The following SERPINB2 variants were observed in gnomAD, a reference collection of about 807,000 sequenced individuals.
SERPINB2 encodes serpin family B member 2.
In SERPINB2, 28 loss-of-function variants were observed where a neutral mutation model predicts 39.4. The observed-to-expected ratio is 0.71, with a 90% CI of 0.53 to 0.97. The LOEUF (loss-of-function observed/expected upper bound fraction) is 0.97, where lower values mean the gene tolerates loss of function less well. SERPINB2 is among the 50% of genes least tolerant of loss of function. The pLI is 0.00. For missense variants in SERPINB2, 557 were observed against 505.3 expected (o/e 1.10, Z -0.98); for synonymous variants, 209 against 175.1 (o/e 1.19, Z -1.53).
At chr18:63,890,152 T>C (rs1263242355) in intron 1 of SERPINB2, 1 of 152,134 alleles carries the variant, frequency 6.6e-6, no homozygotes, top group Non-Finnish European at 1.5e-5. Context: ...CTTGATAAAA[T>C]AGTCTGGTTG....
chr18:63,895,278 T>C lies in SERPINB2; in HGVS notation c.183T>C (p.Asn61=), dbSNP rs754713165. ...EDQMAKVLQF[N]EVGANAVTPM... is the part of the protein sequence containing the mutation. ...TCTGATTGCAGGTGCTTCAGTTTAATGAAGTGGGAGCCAATGCAGTTACCC... is the reference window on the plus strand; with the variant it reads ...TCTGATTGCAGGTGCTTCAGTTTAACGAAGTGGGAGCCAATGCAGTTACCC... Residue 61 remains asparagine (N), a synonymous_variant, in exon 3 of 8, where the codon AAT becomes AAC. Coordinates refer to ENST00000299502, the MANE Select transcript of SERPINB2 (RefSeq NM_002575.3). 3 of 1,613,938 alleles carry C rather than the reference T, an allele frequency of 1.9e-6. No individual in the cohort carries two copies. Among genetic ancestry groups the C allele is most frequent in the African/African-American group, 1.3e-5 (1 of 75,040 alleles).
chr18:63,902,073 A>C (rs761223809), intron 6 of SERPINB2, among the ~76,000 whole-genome samples, 191 bp downstream of exon 6: 14 of 152,102 alleles, frequency 9.2e-5, no homozygotes, highest in Non-Finnish European at 1.5e-4. Context: ...ACATGCCCAG[A>C]CTCCAACGTT....
chr18:63,896,735 A>T (rs1046286765), intron 3 of SERPINB2, among the ~76,000 whole-genome samples: 4 of 152,238 alleles, frequency 2.6e-5, no homozygotes, highest in African/African-American at 9.6e-5. Flanking sequence ...TAGTCATTAT[A>T]CTGTACATTA....
chr18:63,902,710 A>G, intron 7 of SERPINB2, 142 bp downstream of exon 7: 1 of 1,063,450 alleles, frequency 9.4e-7, no homozygotes, highest in Non-Finnish European at 1.3e-6. Context: ...ATGCCTCTAC[A>G]TTTCATTCAA....
chr18:63,902,939 G>T lies in SERPINB2; in HGVS notation c.882G>T (p.Trp294Cys). 1 of 1,612,476 alleles carries T rather than the reference G, an allele frequency of 6.2e-7. No individual in the cohort carries two copies. Among genetic ancestry groups the T allele is most frequent in the South Asian group, 1.1e-5 (1 of 90,800 alleles). The change falls in exon 8 of 8, where the codon TGG becomes TGT. Residue 294 changes from tryptophan to cysteine, a missense_variant. By Grantham distance (215) the Trp-to-Cys change is radical (BLOSUM62 -2). Transcript: ENST00000299502. Reference sequence around the variant, plus strand: ...TAACCTATGACAAACTCAACAAGTGGACCAGCAAAGACAAAATGGCTGAAG... The same window carrying T: ...TAACCTATGACAAACTCAACAAGTGTACCAGCAAAGACAAAATGGCTGAAG... ...SEITYDKLNKWTSKDKMAEDE... is the reference protein window; with the variant it reads ...SEITYDKLNKCTSKDKMAEDE...
Position 63,893,454 on chromosome 18 carries a change from A to G in SERPINB2, c.169-1810A>G, listed in dbSNP as rs990143028. Among the ~76,000 whole-genome samples, 3 of 151,040 alleles carry G rather than the reference A, an allele frequency of 2.0e-5. No homozygotes were observed. In the East Asian group the frequency reaches 5.8e-4, roughly 29 times the overall value. ...ATAGTCTTTTTTTTTTTGAGACTCT[A>G]TATATATCGTCTTTTGACAACTCTG... On this transcript the variant is annotated intron_variant, in intron 2 of 7. Transcript: ENST00000299502.
chr18:63,888,946 A>G (rs1427564188), intron 1 of SERPINB2, among the ~76,000 whole-genome samples: 1 of 152,254 alleles, frequency 6.6e-6, no homozygotes, highest in Non-Finnish European at 1.5e-5. Context: ...TCATTCAAAC[A>G]TAAAGTATGG....
intron 7 of SERPINB2, 32 bp from the exon 8 acceptor site, chr18:63,902,869 T>C: frequency 6.6e-7 from 1 of 1,517,276 alleles, no homozygotes; most frequent in Non-Finnish European, 8.8e-7. Context: ...CTGTATTTTC[T>C]TTTGTTTGTT....
intron 1 of SERPINB2, chr18:63,889,744 GAA>G (rs5825540): frequency 6.7e-6 from 1 of 150,296 alleles, no homozygotes; most frequent in Non-Finnish European, 1.5e-5. Flanking sequence ...TGAAGCAAGA[GAA>G]AAAAAAAGTG....
At position 63,889,353 on chromosome 18, in the gene SERPINB2, T is replaced by G. The variant is rs968447363; in HGVS notation, c.-10+1583T>G. On this transcript the variant is annotated intron_variant, in intron 1 of 7. Transcript: ENST00000299502. ...TTTGCTTCTGTTCTTATTAATTTTT[T>G]TCTTTATCAAGTTACCTTAAATTCT... Among the ~76,000 whole-genome samples, 4 of 152,350 alleles carry G rather than the reference T, an allele frequency of 2.6e-5. No homozygotes were observed. The East Asian group carries it at 5.8e-4, about 22-fold the overall frequency.
chr18:63,894,540 G>T (rs1183154591), intron 2 of SERPINB2, among the ~76,000 whole-genome samples: 3 of 152,176 alleles, frequency 2.0e-5, no homozygotes, highest in African/African-American at 7.2e-5. Flanking sequence ...GTGGCTGGGA[G>T]GCAGGGCCAG....
At position 63,902,422 on chromosome 18, in the gene SERPINB2, C is replaced by T. The variant is rs2049997614; in HGVS notation, c.697C>T (p.Gln233Ter). The T allele has an allele frequency of 2.5e-6, 4 of 1,612,282 alleles. No homozygotes were observed. Among genetic ancestry groups the T allele is most frequent in the Non-Finnish European group, 3.4e-6 (4 of 1,179,134 alleles). Residue 233 changes from glutamine to a stop codon, truncating the protein, a stop_gained, in exon 7 of 8, where the codon CAG (glutamine) becomes TAG (stop). Transcript: ENST00000299502. LOFTEE classifies it high-confidence loss of function. Reference protein sequence around the residue: ...RVNSAQRTPVQMMYLREKLNI... With the variant: ...RVNSAQRTPV ...ATATTAGGCTCAGCGCACACCTGTA[C>T]AGATGATGTACTTGCGTGAAAAGCT... is the stretch of plus-strand genomic sequence containing the variant.
rs4433913 is a variant in SERPINB2 at position 63,890,261 on chromosome 18, A to G, written c.-9-1175A>G. Among the ~76,000 whole-genome samples, 674 of 152,252 alleles carry G rather than the reference A, an allele frequency of 4.4e-3. 37 individuals carry two copies. The East Asian group carries it at 0.1, about 23-fold the overall frequency. The stretch of plus-strand genomic sequence containing the variant: ...GGTTCACGCAAGAAAGAAGCGACCA[A>G]TGGTCCTTGTTGGAGAGCAATGCTG... On this transcript the variant is annotated intron_variant, in intron 1 of 7. Transcript: ENST00000299502.
In SERPINB2 at chr18:63,897,625, C is replaced by T. The variant is rs909495624; in HGVS notation, c.418-102C>T. On this transcript the variant is annotated intron_variant, in intron 4 of 7. Coordinates refer to ENST00000299502, the MANE Select transcript of SERPINB2 (RefSeq NM_002575.3). ...TAGCCAACCTCCACTCCCACCCTACCCCAGGTCTCCTAATTTCAATGGGAA... is the reference window on the plus strand; with the variant it reads ...TAGCCAACCTCCACTCCCACCCTACTCCAGGTCTCCTAATTTCAATGGGAA... 4.1e-5 allele frequency: 36 copies of T among 888,106 alleles called. No homozygotes were observed. The African/African-American group carries it at 6.0e-4, about 15-fold the overall frequency. The allele number at this position is 888,106 out of a possible 1,614,324, so 55.0% of individuals were successfully genotyped here.
At chr18:63,902,362 T>C (rs373539629) in intron 6 of SERPINB2, 42 bp from the exon 7 acceptor site, 7 of 1,484,552 alleles carry the variant, frequency 4.7e-6, no homozygotes, top group Non-Finnish European at 5.4e-6. Context: ...TCTCTTGATA[T>C]CTTATAATCG....
chr18:63,898,109 G>A lies in SERPINB2; in HGVS notation c.535+265G>A, dbSNP rs150561049. Among the ~76,000 whole-genome samples the A allele has an allele frequency of 7.4e-4, 113 of 152,318 alleles. 1 individual carries two copies. The East Asian group carries it at 0.013, about 17-fold the overall frequency. ...TGAGGATAGAATATGAAAGGAGGCA[G>A]AAGCTTTCAAAATAGGAAATATCAG... is the stretch of plus-strand genomic sequence containing the variant. On this transcript the variant is annotated intron_variant, in intron 5 of 7. Coordinates refer to ENST00000299502, the MANE Select transcript of SERPINB2 (RefSeq NM_002575.3).
chr18:63,897,897 C>T (rs2049970905), intron 5 of SERPINB2, 53 bp downstream of exon 5: 1 of 1,232,422 alleles, frequency 8.1e-7, no homozygotes, highest in Non-Finnish European at 1.2e-6. Context: ...AAACTCTGAT[C>T]TATCTTTTTC....
intron 1 of SERPINB2, chr18:63,890,178 A>G (rs924958344): frequency 6.6e-6 from 1 of 152,208 alleles, no homozygotes; most frequent in African/African-American, 2.4e-5. Flanking sequence ...CAAATGAGAC[A>G]TTTTAATACA....
intron 5 of SERPINB2, among the ~76,000 whole-genome samples, chr18:63,899,666 G>A (rs1446354017): frequency 1.3e-5 from 2 of 152,172 alleles, no homozygotes; most frequent in Non-Finnish European, 2.9e-5. Context: ...TAGCGGTAAA[G>A]CCAGGGTTGC....
Sources: allele counts gnomAD v4.1 joint callset (sites outside exome capture counted in the v4.1 genomes callset), GRCh38; gene constraint gnomAD v4.1.1; transcripts MANE v1.5; gene names NCBI Gene and HGNC (gene_info 2026-07-23, HGNC 2026-07-21).